Variants in CFDP1 observed in about 807,000 individuals in gnomAD.
CFDP1 encodes the protein heterochromatin-stabilizing protein CFDP1.
A neutral mutation model predicts 40.1 loss-of-function variants in CFDP1; 31 were observed. The observed-to-expected ratio is 0.77, with a 90% CI of 0.58 to 1.04. The LOEUF (loss-of-function observed/expected upper bound fraction) is 1.04, where lower values mean the gene tolerates loss of function less well. Ranked by LOEUF, CFDP1 falls within the 50% of genes least tolerant of loss-of-function variation. The pLI is 0.00. For missense variants in CFDP1, 423 were observed against 343.4 expected (o/e 1.23, Z -1.83); for synonymous variants, 167 against 120.0 (o/e 1.39, Z -2.56).
chr16:75,335,031 G>C (rs899118020), intron 5 of CFDP1, among the ~76,000 whole-genome samples: 2 of 152,098 alleles, frequency 1.3e-5, no homozygotes, highest in African/African-American at 4.8e-5. Context: ...TCAACTGATA[G>C]ACTAAGGGCA....
chr16:75,295,448 A>G (rs772986494), intron 6 of CFDP1, among the ~76,000 whole-genome samples: 45 of 152,242 alleles, frequency 3.0e-4, no homozygotes, highest in Admixed American at 1.2e-3. Context: ...TGTGTGGATT[A>G]AATAAAATAG....
chr16:75,411,904 C>CT lies in CFDP1; in HGVS notation c.450dup (p.Ala151SerfsTer8), dbSNP rs1567677795. The CT allele has an allele frequency of 1.9e-6, 3 of 1,611,886 alleles. No individual in the cohort carries two copies. The highest frequency in any genetic ancestry group is 2.5e-6 in the Non-Finnish European group (3 of 1,179,510). ...TCTTTAGGTTTCTCTAGCTCTTCTG[C>CT]TTTTACCAACAATTTACTTGAACTT... On this transcript the variant is annotated frameshift_variant, in exon 4 of 7. Transcript: ENST00000283882. LOFTEE classifies it high-confidence loss of function.
intron 5 of CFDP1, among the ~76,000 whole-genome samples, chr16:75,374,248 A>G (rs1597362847): frequency 6.6e-6 from 1 of 152,150 alleles, no homozygotes; most frequent in Non-Finnish European, 1.5e-5. Flanking sequence ...ATAAAATAAA[A>G]TAAAATAAAT....
rs565309500 is a variant in CFDP1 at position 75,416,015 on chromosome 16, G to C, written c.65-1320C>G. Among the ~76,000 whole-genome samples, 105 of 152,190 alleles carry C rather than the reference G, an allele frequency of 6.9e-4. 1 individual carries two copies. Among genetic ancestry groups the C allele is most frequent in the Middle Eastern group, 6.8e-3 (2 of 294 alleles). On this transcript the variant is annotated intron_variant, in intron 1 of 6. Coordinates refer to ENST00000283882, the MANE Select transcript of CFDP1 (RefSeq NM_006324.3). ...TTACAGAAGTGTGCCACCACACCCAGCTGATTTTTATACTTTTAGTAGAGA... is the reference window on the plus strand; with the variant it reads ...TTACAGAAGTGTGCCACCACACCCACCTGATTTTTATACTTTTAGTAGAGA...
Position 75,332,969 on chromosome 16 carries a change from G to A in CFDP1, c.651-27787C>T, listed in dbSNP as rs1232710273. On this transcript the variant is annotated intron_variant, in intron 5 of 6. Transcript: ENST00000283882. ...ATTACAGGGCCCTGCCACCATGCCC[G>A]GCTAATTTTTGTATTTTCAGTAGAG... is the stretch of plus-strand genomic sequence containing the variant. Among the ~76,000 whole-genome samples the A allele has an allele frequency of 4.0e-5, 6 of 151,032 alleles. No individual in the cohort carries two copies. The South Asian group carries it at 6.3e-4, about 16-fold the overall frequency.
intron 5 of CFDP1, among the ~76,000 whole-genome samples, chr16:75,320,589 G>C (rs932055009): frequency 3.1e-4 from 47 of 152,296 alleles, no homozygotes; most frequent in African/African-American, 1.1e-3. Context: ...TCTGACCCAG[G>C]GCTCCTCACC....
At chr16:75,349,222 G>C (rs1261901304) in intron 5 of CFDP1, among the ~76,000 whole-genome samples, 1 of 151,962 alleles carries the variant, frequency 6.6e-6, no homozygotes, top group East Asian at 1.9e-4. Context: ...TAGAAATACA[G>C]TTCTTAGGCT....
intron 5 of CFDP1, among the ~76,000 whole-genome samples, chr16:75,387,939 A>C (rs1042244628): frequency 6.6e-6 from 1 of 152,246 alleles, no homozygotes; most frequent in Non-Finnish European, 1.5e-5. Flanking sequence ...CAGCCCTCTC[A>C]CTTTCTTCAA....
chr16:75,327,335 C>T (rs2078409717), intron 5 of CFDP1, among the ~76,000 whole-genome samples: 1 of 151,958 alleles, frequency 6.6e-6, no homozygotes, highest in Non-Finnish European at 1.5e-5. Flanking sequence ...AAACAGAGTT[C>T]CACAAAGAGG....
intron 5 of CFDP1, among the ~76,000 whole-genome samples, chr16:75,378,666 T>C (rs1197180217): frequency 6.6e-6 from 1 of 152,136 alleles, no homozygotes. Flanking sequence ...GGATAGTTAG[T>C]GCTACAATAA....
intron 5 of CFDP1, among the ~76,000 whole-genome samples, chr16:75,376,757 C>A (rs1009356004): frequency 6.6e-6 from 1 of 152,098 alleles, no homozygotes; most frequent in Non-Finnish European, 1.5e-5. Context: ...GGGGCAGAAG[C>A]GGCTTTCTGT....
intron 5 of CFDP1, among the ~76,000 whole-genome samples, chr16:75,316,052 T>C (rs1348816743): frequency 5.3e-5 from 8 of 152,184 alleles, no homozygotes; most frequent in Non-Finnish European, 1.5e-5. Context: ...CTATAGAATG[T>C]TGCTCATTGG....
At chr16:75,365,679 C>G (rs1280796788) in intron 5 of CFDP1, among the ~76,000 whole-genome samples, 1 of 152,088 alleles carries the variant, frequency 6.6e-6, no homozygotes, top group Non-Finnish European at 1.5e-5. Context: ...TCACTATACT[C>G]CAGCTTGGGC....
At chr16:75,353,743 C>A (rs28585380) in intron 5 of CFDP1, among the ~76,000 whole-genome samples, 1 of 83,884 alleles carries the variant, frequency 1.2e-5, no homozygotes, top group African/African-American at 4.4e-5. Flanking sequence ...AGCAAAAGTC[C>A]GTCTCAAAAA....
chr16:75,316,838 G>A (rs1043880369), intron 5 of CFDP1, among the ~76,000 whole-genome samples: 6 of 151,866 alleles, frequency 4.0e-5, no homozygotes, highest in Non-Finnish European at 8.8e-5. Context: ...GCGTGGAGGC[G>A]CATGCCTGTA....
intron 5 of CFDP1, among the ~76,000 whole-genome samples, chr16:75,374,652 TA>T (rs369782788): frequency 1.2e-4 from 18 of 147,536 alleles, no homozygotes; most frequent in African/African-American, 2.2e-4. Flanking sequence ...CCCCATCTCT[TA>T]AAAAAAAAAC....
chr16:75,399,643 C>A (rs1261324991), intron 4 of CFDP1, among the ~76,000 whole-genome samples: 1 of 151,872 alleles, frequency 6.6e-6, no homozygotes, highest in African/African-American at 2.4e-5. Flanking sequence ...CCTCCCAGTG[C>A]TGGGATTACA....
At chr16:75,340,068 T>A (rs1285734635) in intron 5 of CFDP1, among the ~76,000 whole-genome samples, 1 of 152,242 alleles carries the variant, frequency 6.6e-6, no homozygotes, top group Non-Finnish European at 1.5e-5. Context: ...GTTACTGAAA[T>A]AGTAATTTTA....
chr16:75,373,882 A>T (rs2078772067), intron 5 of CFDP1, among the ~76,000 whole-genome samples: 1 of 152,224 alleles, frequency 6.6e-6, no homozygotes, highest in South Asian at 2.1e-4. Flanking sequence ...AACATGAGGC[A>T]ATCTTTACAA....
Sources: allele counts gnomAD v4.1 joint callset (sites outside exome capture counted in the v4.1 genomes callset), GRCh38; gene constraint gnomAD v4.1.1; transcripts MANE v1.5; gene names NCBI Gene and HGNC (gene_info 2026-07-23, HGNC 2026-07-21).